The following NRXN3 variants were observed in gnomAD, a reference collection of about 807,000 sequenced individuals.
NRXN3 encodes neurexin III.
NRXN3 carries 32 observed loss-of-function variants against 137.6 expected under a neutral mutation model. The ratio of observed to expected loss-of-function variants is 0.23; its 90% CI spans 0.18 to 0.31. NRXN3 has a LOEUF of 0.31. NRXN3 is among the 10% of genes least tolerant of loss of function. NRXN3 has a pLI of 1.00. For missense variants in NRXN3, 1,574 were observed against 2,062.5 expected (o/e 0.76, Z 4.59); for synonymous variants, 798 against 784.5 (o/e 1.02, Z -0.29).
chr14:79,554,745 A>G (rs1175751904), intron 16 of NRXN3, among the ~76,000 whole-genome samples: 1 of 152,182 alleles, frequency 6.6e-6, no homozygotes, highest in Admixed American at 6.5e-5. Context: ...AGGTTAGGCT[A>G]GGCTTGAGAC....
intron 15 of NRXN3, among the ~76,000 whole-genome samples, chr14:79,119,181 C>T (rs986457527): frequency 6.6e-6 from 1 of 151,302 alleles, no homozygotes; most frequent in Non-Finnish European, 1.5e-5. Context: ...ACCTTTTATA[C>T]TTAAACTTAA....
chr14:78,630,597 C>CTTTTTT (rs370862037), intron 4 of NRXN3, among the ~76,000 whole-genome samples: 36 of 127,798 alleles, frequency 2.8e-4, no homozygotes, highest in South Asian at 4.7e-4. Context: ...TTCTTTCTTT[C>CTTTTTT]TTTTTTTTTT....
intron 20 of NRXN3, among the ~76,000 whole-genome samples, chr14:79,809,673 A>C: frequency 6.6e-6 from 1 of 152,202 alleles, no homozygotes; most frequent in East Asian, 1.9e-4. Context: ...CTGGATTTTA[A>C]CTCGATTTGT....
chr14:79,602,961 G>T (rs2097944928), intron 16 of NRXN3, among the ~76,000 whole-genome samples: 1 of 152,070 alleles, frequency 6.6e-6, no homozygotes, highest in Admixed American at 6.5e-5. Context: ...CACCTCCCCT[G>T]TGTGGAGCCT....
chr14:78,408,986 G>T (rs1019855225), intron 4 of NRXN3, among the ~76,000 whole-genome samples: 2 of 152,180 alleles, frequency 1.3e-5, no homozygotes, highest in African/African-American at 4.8e-5. Flanking sequence ...TCCTACTTCA[G>T]GACTTGAAAT....
At chr14:79,677,044 T>A (rs2098644458) in intron 17 of NRXN3, among the ~76,000 whole-genome samples, 1 of 152,146 alleles carries the variant, frequency 6.6e-6, no homozygotes. Flanking sequence ...TAAGTTGTTA[T>A]ACAGCATCCT....
At chr14:79,510,508 G>GT (rs2096922334) in intron 16 of NRXN3, among the ~76,000 whole-genome samples, 2 of 152,190 alleles carry the variant, frequency 1.3e-5, no homozygotes, top group African/African-American at 4.8e-5. Context: ...GACAGGACAT[G>GT]TGTGTTCTTT....
At chr14:78,312,533 C>T (rs557198680) in intron 4 of NRXN3, among the ~76,000 whole-genome samples, 58 of 152,068 alleles carry the variant, frequency 3.8e-4, no homozygotes, top group Middle Eastern at 6.8e-3. Flanking sequence ...TTCCTTTCTT[C>T]CTTTAAAATT....
chr14:78,810,394 AC>A, intron 10 of NRXN3, 50 bp downstream of exon 10: 1 of 1,102,550 alleles, frequency 9.1e-7, no homozygotes, highest in Non-Finnish European at 1.3e-6. Flanking sequence ...AAAAAACAAA[AC>A]TGACTTTATT....
At chr14:79,317,679 A>G (rs1185066736) in intron 15 of NRXN3, among the ~76,000 whole-genome samples, 1 of 152,208 alleles carries the variant, frequency 6.6e-6, no homozygotes, top group East Asian at 1.9e-4. Context: ...GACAAGTCAT[A>G]ATGTAGAGAA....
chr14:78,433,659 A>G (rs1386051921), intron 4 of NRXN3, among the ~76,000 whole-genome samples: 1 of 152,132 alleles, frequency 6.6e-6, no homozygotes, highest in Non-Finnish European at 1.5e-5. Flanking sequence ...TCTTGCGTGC[A>G]TGCTCTCTTC....
chr14:79,210,734 G>A (rs2067525725), intron 15 of NRXN3, among the ~76,000 whole-genome samples: 1 of 152,106 alleles, frequency 6.6e-6, no homozygotes, highest in Non-Finnish European at 1.5e-5. Flanking sequence ...ATGATGCTTG[G>A]ATCAAAGTTA....
rs146844987 is a variant in NRXN3, at chr14:79,546,064, C to T, written c.3444+78662C>T. On this transcript the variant is annotated intron_variant, in intron 16 of 20. Transcript: ENST00000335750. ...GCTCTCTTTGCCTGCTGCCATTTCA[C>T]GTAAGGTGTGACTTGCTCCTCCTTG... Among the ~76,000 whole-genome samples, 290 of 152,224 alleles carry T rather than the reference C, an allele frequency of 1.9e-3. 1 individual carries two copies. The highest frequency in any genetic ancestry group is 6.3e-3 in the African/African-American group (262 of 41,538).
intron 3 of NRXN3, among the ~76,000 whole-genome samples, chr14:78,296,247 G>A (rs2076325905): frequency 6.6e-6 from 1 of 151,724 alleles, no homozygotes; most frequent in African/African-American, 2.4e-5. Context: ...TTTTTATTTT[G>A]TAGAGACAGG....
chr14:79,379,916 T>G (rs1281909869), intron 15 of NRXN3, among the ~76,000 whole-genome samples: 3 of 151,998 alleles, frequency 2.0e-5, no homozygotes, highest in Non-Finnish European at 4.4e-5. Context: ...TAACACAATA[T>G]ACGAAGTACA....
chr14:79,583,129 AG>A (rs1211821331), intron 16 of NRXN3, among the ~76,000 whole-genome samples: 1 of 152,238 alleles, frequency 6.6e-6, no homozygotes, highest in East Asian at 1.9e-4. Flanking sequence ...ATACATCTAG[AG>A]GGAATAATTT....
chr14:78,915,345 C>CAAAAA lies in NRXN3; in HGVS notation c.2276-41874_2276-41870dup, dbSNP rs35908076. Among the ~76,000 whole-genome samples the CAAAAA allele has an allele frequency of 3.8e-3, 42 of 11,190 alleles. 7 individuals are homozygous for CAAAAA. Among genetic ancestry groups the CAAAAA allele is most frequent in the African/African-American group, 8.1e-3 (29 of 3,574 alleles). 7.3% of individuals were successfully genotyped at this position (11,190 alleles called of 152,430 possible). On this transcript the variant is annotated intron_variant, in intron 10 of 20. Coordinates refer to ENST00000335750, the MANE Select transcript of NRXN3 (RefSeq NM_001330195.2). ...CCCAAACATCTTTCTACGTGTGAAGCAAAAAAAAAAAAAAAAAAAAAAAAA... is the reference window on the plus strand; with the variant it reads ...CCCAAACATCTTTCTACGTGTGAAGCAAAAAAAAAAAAAAAAAAAAAAAAAAAAAA...
chr14:79,553,515 C>T (rs548151793), intron 16 of NRXN3, among the ~76,000 whole-genome samples: 2 of 152,242 alleles, frequency 1.3e-5, no homozygotes, highest in East Asian at 1.9e-4. Context: ...CCCAATGCCA[C>T]CTAACTCCCA....
intron 4 of NRXN3, among the ~76,000 whole-genome samples, chr14:78,314,966 CCT>C (rs1421182490): frequency 1.2e-5 from 1 of 81,998 alleles, no homozygotes; most frequent in Non-Finnish European, 2.3e-5. Context: ...TTCCTTCCTT[CCT>C]TCCTTCCTTC....
Sources: allele counts gnomAD v4.1 joint callset (sites outside exome capture counted in the v4.1 genomes callset), GRCh38; gene constraint gnomAD v4.1.1; transcripts MANE v1.5; gene names NCBI Gene and HGNC (gene_info 2026-07-23, HGNC 2026-07-21).